Variants in CTNNA3 observed in about 807,000 individuals in gnomAD.
The protein encoded by CTNNA3 is catenin alpha 3.
In CTNNA3, 76 loss-of-function variants were observed where a neutral mutation model predicts 95.7. The ratio of observed to expected loss-of-function variants is 0.79; its 90% CI spans 0.66 to 0.96. CTNNA3 has a LOEUF of 0.96. Ranked by LOEUF, CTNNA3 falls within the 40% of genes least tolerant of loss-of-function variation. The pLI, the probability that CTNNA3 is intolerant of heterozygous loss-of-function variation, is 0.00. For missense variants in CTNNA3, 1,191 were observed against 1,089.8 expected (o/e 1.09, Z -1.31); for synonymous variants, 431 against 374.4 (o/e 1.15, Z -1.74).
chr10:66,582,903 T>G (rs1293956883), intron 10 of CTNNA3, among the ~76,000 whole-genome samples: 1 of 151,854 alleles, frequency 6.6e-6, no homozygotes, highest in Non-Finnish European at 1.5e-5. Context: ...GATCATATAT[T>G]TATTTAAAAA....
intron 10 of CTNNA3, among the ~76,000 whole-genome samples, chr10:66,582,484 G>A (rs140802766): frequency 0.013 from 1,952 of 151,618 alleles, 64 homozygotes; most frequent in Non-Finnish European, 9.6e-3. Flanking sequence ...TATGCACACT[G>A]GTTTTGTAAT....
intron 14 of CTNNA3, among the ~76,000 whole-genome samples, chr10:66,071,609 A>G (rs752054040): frequency 6.6e-6 from 1 of 152,154 alleles, no homozygotes; most frequent in South Asian, 2.1e-4. Context: ...ATATATACAC[A>G]TTCTCCATGA....
At chr10:66,455,002 T>C (rs972377915) in intron 11 of CTNNA3, among the ~76,000 whole-genome samples, 2 of 151,722 alleles carry the variant, frequency 1.3e-5, no homozygotes, top group Non-Finnish European at 2.9e-5. Context: ...GTATTAATAG[T>C]CTAATGAAAA....
chr10:66,745,884 C>T lies in CTNNA3; in HGVS notation c.1281+20380G>A, dbSNP rs1838849244. 1.3e-5 allele frequency among the ~76,000 whole-genome samples: 2 copies of T among 151,904 alleles called. 1 individual carries two copies. The highest frequency in any genetic ancestry group is 4.2e-4 in the South Asian group (2 of 4,808). The stretch of plus-strand genomic sequence containing the variant: ...AAAGTGCTGGGATTACAGGCGTGAG[C>T]CACAGCGCCCGGCCCACAGACAGCC... On this transcript the variant is annotated intron_variant, in intron 9 of 17. Transcript: ENST00000433211.
chr10:67,505,317 T>C (rs1839397574), intron 5 of CTNNA3, among the ~76,000 whole-genome samples: 1 of 152,256 alleles, frequency 6.6e-6, no homozygotes, highest in Non-Finnish European at 1.5e-5. Context: ...CTATTCTCAA[T>C]GACTTTAACA....
Position 67,559,728 on chromosome 10 carries a change from A to G in CTNNA3, c.293-20059T>C, listed in dbSNP as rs148473573. On this transcript the variant is annotated intron_variant, in intron 3 of 17. Transcript: ENST00000433211. Reference sequence around the variant, plus strand: ...AATTCAAATCAAAGGCAAAGAAGTTAAAAACTTTGAAAAAAATATAGACGA... The same window carrying G: ...AATTCAAATCAAAGGCAAAGAAGTTGAAAACTTTGAAAAAAATATAGACGA... 0.029 allele frequency among the ~76,000 whole-genome samples: 4,439 copies of G among 152,270 alleles called. 449 individuals are homozygous for G. The East Asian group carries it at 0.36, about 13-fold the overall frequency.
intron 7 of CTNNA3, among the ~76,000 whole-genome samples, chr10:67,133,291 TA>T (rs1860112856): frequency 9.7e-6 from 1 of 102,678 alleles, no homozygotes; most frequent in African/African-American, 3.6e-5. Flanking sequence ...TAGCCTTAGC[TA>T]GAGCATATTG....
At chr10:67,284,610 G>A (rs1013750906) in intron 5 of CTNNA3, among the ~76,000 whole-genome samples, 1 of 152,112 alleles carries the variant, frequency 6.6e-6, no homozygotes, top group South Asian at 2.1e-4. Flanking sequence ...TAATTAAAAA[G>A]GTATTTGATC....
At chr10:66,708,556 A>G (rs1055299186) in intron 9 of CTNNA3, among the ~76,000 whole-genome samples, 1 of 150,388 alleles carries the variant, frequency 6.6e-6, no homozygotes, top group African/African-American at 2.5e-5. Flanking sequence ...TCTCATTCCA[A>G]GGAAGGTGCT....
intron 3 of CTNNA3, among the ~76,000 whole-genome samples, chr10:67,560,244 C>T (rs577288960): frequency 1.3e-3 from 199 of 151,736 alleles, no homozygotes; most frequent in Admixed American, 2.2e-3. Context: ...AGAGAAAGGT[C>T]GGGTTACCCA....
intron 11 of CTNNA3, among the ~76,000 whole-genome samples, chr10:66,501,654 A>T (rs1840280542): frequency 6.6e-6 from 1 of 152,188 alleles, no homozygotes; most frequent in African/African-American, 2.4e-5. Flanking sequence ...ATGGCAGAAC[A>T]GAATATCATT....
chr10:66,230,842 A>G (rs1406526140), intron 13 of CTNNA3, among the ~76,000 whole-genome samples: 1 of 152,130 alleles, frequency 6.6e-6, no homozygotes, highest in Non-Finnish European at 1.5e-5. Context: ...GCCCTGATGT[A>G]TAGAGCTCTG....
intron 7 of CTNNA3, among the ~76,000 whole-genome samples, chr10:66,938,574 G>A (rs1490397510): frequency 2.6e-5 from 4 of 152,140 alleles, no homozygotes; most frequent in Non-Finnish European, 5.9e-5. Context: ...ATAGAGAAGC[G>A]ATCGGTCTTG....
intron 1 of CTNNA3, among the ~76,000 whole-genome samples, chr10:67,654,285 T>C (rs140964776): frequency 1.3e-5 from 2 of 152,306 alleles, no homozygotes; most frequent in African/African-American, 2.4e-5. Context: ...TTACATAGAA[T>C]TGTAACTTAT....
chr10:66,668,754 GTGAGC>G (rs1174068318), intron 9 of CTNNA3, among the ~76,000 whole-genome samples: 1 of 152,070 alleles, frequency 6.6e-6, no homozygotes, highest in Non-Finnish European at 1.5e-5. Context: ...GGAGGTTGCA[GTGAGC>G]TGAGATGGCA....
Position 66,871,080 on chromosome 10 carries a change from GTGTT to G in CTNNA3, c.1048-95560_1048-95557del, listed in dbSNP as rs538933929. Among the ~76,000 whole-genome samples, 90 of 152,242 alleles carry G rather than the reference GTGTT, an allele frequency of 5.9e-4. No homozygotes were observed. In the South Asian group the frequency reaches 0.015, roughly 25 times the overall value. On this transcript the variant is annotated intron_variant, in intron 7 of 17. Transcript: ENST00000433211. ...GTTTTGCTCTGCTGGTTTTGTTCAT[GTGTT>G]TGTTTGTTTGTTTGCTTGATTGCTT... is the stretch of plus-strand genomic sequence containing the variant.
intron 5 of CTNNA3, among the ~76,000 whole-genome samples, chr10:67,514,290 A>C (rs1839737981): frequency 6.6e-6 from 1 of 152,184 alleles, no homozygotes. Context: ...ACAGAGCGAG[A>C]TTGTCTCAAA....
chr10:67,443,446 C>T (rs1304320159), intron 5 of CTNNA3, among the ~76,000 whole-genome samples: 1 of 151,034 alleles, frequency 6.6e-6, no homozygotes, highest in African/African-American at 2.4e-5. Context: ...TCCACATCCT[C>T]TCCAGCACCT....
chr10:67,173,819 C>T (rs907739179), intron 7 of CTNNA3, among the ~76,000 whole-genome samples: 1 of 152,112 alleles, frequency 6.6e-6, no homozygotes, highest in East Asian at 1.9e-4. Context: ...TGAGGAATGC[C>T]TAAACACTAG....
Sources: allele counts gnomAD v4.1 joint callset (sites outside exome capture counted in the v4.1 genomes callset), GRCh38; gene constraint gnomAD v4.1.1; transcripts MANE v1.5; gene names NCBI Gene and HGNC (gene_info 2026-07-23, HGNC 2026-07-21).